VPS18: variants seen among roughly 807,000 people sequenced by gnomAD.
VPS18 encodes vacuolar protein sorting-associated protein 18 homolog.
In VPS18, 25 loss-of-function variants were observed where a neutral mutation model predicts 82.0. That is an observed-to-expected ratio of 0.30 (90% CI 0.22 to 0.43). The LOEUF (loss-of-function observed/expected upper bound fraction) is 0.43. Ranked by LOEUF, VPS18 falls within the 20% of genes least tolerant of loss-of-function variation. The pLI, the probability that VPS18 is intolerant of heterozygous loss-of-function variation, is 1.00. For synonymous variants in VPS18, 523 were observed against 543.0 expected (o/e 0.96, Z 0.51); for missense variants, 1,168 against 1,311.1 (o/e 0.89, Z 1.69).
chr15:40,895,990 C>T lies in VPS18; in HGVS notation c.144C>T (p.Arg48=), dbSNP rs2142035579. 6.2e-7 allele frequency: 1 copy of T among 1,614,198 alleles called. No individual in the cohort carries two copies. The highest frequency in any genetic ancestry group is 2.2e-5 in the East Asian group (1 of 44,886). The part of the protein sequence containing the change: ...EKEVPIFTKQ[R]IDFTPSERIT... ...AAGTGCCCATCTTCACAAAGCAGCG[C>T]ATTGACTTCACCCCTTCCGAGCGCA... Residue 48 remains arginine, a synonymous_variant, in exon 2 of 5, where the codon CGC becomes CGT. Coordinates refer to ENST00000220509, the MANE Select transcript of VPS18 (RefSeq NM_020857.3).
At chr15:40,895,516 C>G (rs548769321) in intron 1 of VPS18, among the ~76,000 whole-genome samples, 3 of 152,096 alleles carry the variant, frequency 2.0e-5, no homozygotes, top group Non-Finnish European at 4.4e-5. Context: ...CACTTGCCAA[C>G]TCTACACTGA....
chr15:40,902,944 G>A lies in VPS18; in HGVS notation c.2525G>A (p.Gly842Asp), dbSNP rs1892386234. The change falls in exon 5 of 5, where the codon GGC becomes GAC. Residue 842 changes from glycine to aspartate, a missense_variant. This residue lies in a region of VPS18 where 296 missense variants were observed against 354.0 expected (regional missense o/e 0.84). Coordinates refer to ENST00000220509, the MANE Select transcript of VPS18 (RefSeq NM_020857.3). The surrounding 1 kb of genome is among the most constrained non-coding windows in gnomAD (Gnocchi z 4.2). Reference protein sequence around the residue: ...RIRRDLQELRGRYGTVEPQDK... With the variant: ...RIRRDLQELRDRYGTVEPQDK... ...CGGCGAGACCTGCAGGAGCTGCGGG[G>A]CCGCTACGGCACTGTGGAGCCCCAG... 1.9e-6 allele frequency: 3 copies of A among 1,614,268 alleles called. No individual in the cohort carries two copies. Among genetic ancestry groups the A allele is most frequent in the Non-Finnish European group, 2.5e-6 (3 of 1,180,052 alleles).
In VPS18 at chr15:40,900,145, G is replaced by T. The variant is rs903965655; in HGVS notation, c.1327G>T (p.Ala443Ser). ...TCGCCAGCGTCGCTACCTGGAGAGC[G>T]CACGCTGCTATGCCCTGACCCAGAG... ...CFRQRRYLES[A>S]RCYALTQSYF... is the part of the protein sequence containing the mutation. The change falls in exon 4 of 5, where the codon GCA (alanine) becomes TCA (serine). Residue 443 changes from alanine to serine, a missense_variant. Ala to Ser is a moderately conservative substitution (Grantham distance 99, BLOSUM62 1). Coordinates refer to ENST00000220509, the MANE Select transcript of VPS18 (RefSeq NM_020857.3). The surrounding 1 kb of genome is among the most constrained non-coding windows in gnomAD (Gnocchi z 5.4). The T allele has an allele frequency of 6.2e-7, 1 of 1,613,770 alleles. No individual in the cohort carries two copies. Among genetic ancestry groups the T allele is most frequent in the Non-Finnish European group, 8.5e-7 (1 of 1,180,034 alleles).
intron 2 of VPS18, among the ~76,000 whole-genome samples, 172 bp downstream of exon 2, chr15:40,896,251 T>A (rs948396026): frequency 6.6e-6 from 1 of 152,182 alleles, no homozygotes; most frequent in African/African-American, 2.4e-5. Context: ...GTTAAGTATC[T>A]GGCCTGGCAG....
rs199820916 is a variant in VPS18 at position 40,903,001 on chromosome 15, T to C, written c.2582T>C (p.Leu861Pro). 2.5e-6 allele frequency: 4 copies of C among 1,614,148 alleles called. No individual in the cohort carries two copies. The highest frequency in any genetic ancestry group is 1.3e-5 in the African/African-American group (1 of 74,944). ...TGTGCCACCTGCGACTTCCCCCTGCTCAACCGCCCTTTTTACCTCTTCCTC... is the reference window on the plus strand; with the variant it reads ...TGTGCCACCTGCGACTTCCCCCTGCCCAACCGCCCTTTTTACCTCTTCCTC... The part of the protein sequence containing the change: ...DKCATCDFPL[L>P]NRPFYLFLCG... The change falls in exon 5 of 5, where the codon CTC (leucine) becomes CCC (proline). Residue 861 changes from leucine (L) to proline (P), a missense_variant. Transcript: ENST00000220509.
At position 40,903,498 on chromosome 15, in the gene VPS18, G is replaced by A; in HGVS notation, c.*157G>A. 9.8e-7 allele frequency: 1 copy of A among 1,018,092 alleles called. No individual in the cohort carries two copies. The highest frequency in any genetic ancestry group is 1.6e-5 in the African/African-American group (1 of 62,026). 63.1% of individuals were successfully genotyped at this position (1,018,092 alleles called of 1,614,324 possible). A position where few individuals can be genotyped will look rare whatever the true frequency, so the allele number is the denominator to read the frequency against. ...TAGCGCTGTTGGCCAGGAGGTGTCA[G>A]GTGTGAGTGTATTCTGCCAGCTTTT... On this transcript the variant is annotated 3_prime_UTR_variant, in exon 5 of 5. Coordinates refer to ENST00000220509, the MANE Select transcript of VPS18 (RefSeq NM_020857.3).
At chr15:40,895,889 T>C (rs765417102) in intron 1 of VPS18, 49 bp from the exon 2 acceptor site, 1 of 1,610,978 alleles carries the variant, frequency 6.2e-7, no homozygotes, top group Non-Finnish European at 8.5e-7. Context: ...CTCCTTGCCC[T>C]TCACCTGTCT....
In VPS18 at chr15:40,903,438, A is replaced by AT. The variant is rs1892401306; in HGVS notation, c.*99dup. On this transcript the variant is annotated 3_prime_UTR_variant, in exon 5 of 5. Transcript: ENST00000220509. ...CTAGGCTCTGCTCAGTCATCTTGCA[A>AT]TTGCCACACTGTGACCACGTTGACG... 3 of 1,471,414 alleles carry AT rather than the reference A, an allele frequency of 2.0e-6. No individual in the cohort carries two copies. In the East Asian group the frequency reaches 7.0e-5, roughly 34 times the overall value. 91.1% of individuals were successfully genotyped at this position (1,471,414 alleles called of 1,614,324 possible).
chr15:40,900,271 C>G lies in VPS18; in HGVS notation c.1453C>G (p.Arg485Gly). Residue 485 changes from arginine to glycine, a missense_variant, in exon 4 of 5, where the codon CGT (arginine) becomes GGT (glycine). Around this residue, in one of 3 missense-constraint regions of VPS18, gnomAD observed 868 missense variants for 939.8 expected, o/e 0.92. Transcript: ENST00000220509. This position sits in a 1 kb window ranked among gnomAD's most constrained non-coding sequence, Gnocchi z 5.4. Reference sequence around the variant, plus strand: ...ACTGGCCAGTTTGAAGCCAGCCGAACGTACCCAGGCCACACTGCTGACCAC... The same window carrying G: ...ACTGGCCAGTTTGAAGCCAGCCGAAGGTACCCAGGCCACACTGCTGACCAC... ...RKLASLKPAE[R>G]TQATLLTTWL... The G allele has an allele frequency of 6.2e-7, 1 of 1,613,786 alleles. No homozygotes were observed.
rs1163052547 is a variant in VPS18 at position 40,899,926 on chromosome 15, G to A, written c.1108G>A (p.Val370Met). 6.2e-7 allele frequency: 1 copy of A among 1,612,974 alleles called. No homozygotes were observed. Among genetic ancestry groups the A allele is most frequent in the Non-Finnish European group, 8.5e-7 (1 of 1,180,046 alleles). Reference sequence around the variant, plus strand: ...GAAATTTGGGCCGCTGAAGCACATGGTGAAGGACTCCTCCACAGGCCAGCT... The same window carrying A: ...GAAATTTGGGCCGCTGAAGCACATGATGAAGGACTCCTCCACAGGCCAGCT... ...LEKFGPLKHM[V>M]KDSSTGQLWA... Residue 370 changes from valine to methionine, a missense_variant, in exon 4 of 5, where the codon GTG becomes ATG. Val to Met is a conservative substitution (Grantham distance 21). Around this residue, in one of 3 missense-constraint regions of VPS18, gnomAD observed 868 missense variants for 939.8 expected, o/e 0.92. Coordinates refer to ENST00000220509, the MANE Select transcript of VPS18 (RefSeq NM_020857.3). The surrounding 1 kb of genome is among the most constrained non-coding windows in gnomAD (Gnocchi z 4.4).
In VPS18 at chr15:40,899,780, G is replaced by A. The variant is rs141826699; in HGVS notation, c.962G>A (p.Gly321Glu). 6.2e-6 allele frequency: 10 copies of A among 1,612,436 alleles called. No homozygotes were observed. The highest frequency in any genetic ancestry group is 8.5e-6 in the Non-Finnish European group (10 of 1,180,022). The change falls in exon 4 of 5, where the codon GGG becomes GAG. Residue 321 changes from glycine (G) to glutamate (E), a missense_variant. Around this residue, in one of 3 missense-constraint regions of VPS18, gnomAD observed 868 missense variants for 939.8 expected, o/e 0.92. Transcript: ENST00000220509. This position sits in a 1 kb window ranked among gnomAD's most constrained non-coding sequence, Gnocchi z 4.4. ...GAGTACCCAGAGGGGGTAGGGCCTG[G>A]GGCCAGCCCACCCCTAGCCATCGTC... ...VWEYPEGVGP[G>E]ASPPLAIVLT... is the part of the protein sequence containing the mutation.
chr15:40,898,156 T>C lies in VPS18; in HGVS notation c.234-751T>C, dbSNP rs573873757. Among the ~76,000 whole-genome samples, 161 of 151,984 alleles carry C rather than the reference T, an allele frequency of 1.1e-3. No individual in the cohort carries two copies. The Middle Eastern group carries it at 0.014, about 13-fold the overall frequency. ...TAATTTTTTGTATTTTTAGTAGAGA[T>C]GTGATTTCACCGTGGTCTCAATCTC... On this transcript the variant is annotated intron_variant, in intron 2 of 4. Coordinates refer to ENST00000220509, the MANE Select transcript of VPS18 (RefSeq NM_020857.3).
At chr15:40,895,074 G>A (rs917732740) in intron 1 of VPS18, among the ~76,000 whole-genome samples, 6 of 152,228 alleles carry the variant, frequency 3.9e-5, no homozygotes, top group Non-Finnish European at 7.3e-5. Context: ...AGGCTCTACC[G>A]CTAGGGTCCT....
chr15:40,898,893 G>T lies in VPS18; in HGVS notation c.234-14G>T. 1 of 1,611,876 alleles carries T rather than the reference G, an allele frequency of 6.2e-7. No individual in the cohort carries two copies. Among genetic ancestry groups the T allele is most frequent in the Non-Finnish European group, 8.5e-7 (1 of 1,178,464 alleles). ...TTCCCTTCTCTAAAGTGATGGTGAC[G>T]CTTGTCCCCACAGCATTGACTTGGG... On this transcript the variant is annotated splice_polypyrimidine_tract_variant and intron_variant, in intron 2 of 4. Transcript: ENST00000220509.
At position 40,896,036 on chromosome 15, in the gene VPS18, A is replaced by G. The variant is rs1229733328; in HGVS notation, c.190A>G (p.Ser64Gly). 8.7e-6 allele frequency: 14 copies of G among 1,614,100 alleles called. No individual in the cohort carries two copies. Among genetic ancestry groups the G allele is most frequent in the Non-Finnish European group, 1.2e-5 (14 of 1,180,046 alleles). ...SERITSLVVS[S>G]NQLCMSLGKD... ...GCGCATTACCAGTCTTGTCGTCTCC[A>G]GCAATCAGCTGTGCATGAGCCTGGG... is the stretch of plus-strand genomic sequence containing the variant. Residue 64 changes from serine (S) to glycine (G), a missense_variant, in exon 2 of 5, where the codon AGC becomes GGC. Physicochemically the swap from Ser to Gly is moderately conservative, Grantham distance 56. Around this residue, in one of 3 missense-constraint regions of VPS18, gnomAD observed 868 missense variants for 939.8 expected, o/e 0.92. Transcript: ENST00000220509.
chr15:40,901,992 A>G (rs1227541850), intron 4 of VPS18, among the ~76,000 whole-genome samples: 1 of 152,228 alleles, frequency 6.6e-6, no homozygotes, highest in Non-Finnish European at 1.5e-5. Flanking sequence ...ATGAAGTGCT[A>G]TTTAACATGC....
At chr15:40,898,724 C>T (rs1383969877) in intron 2 of VPS18, 183 bp from the exon 3 acceptor site, 8 of 681,808 alleles carry the variant, frequency 1.2e-5, no homozygotes, top group East Asian at 2.8e-5. Context: ...CTACCCACCT[C>T]GGACTCCCAA....
In VPS18 at chr15:40,899,184, C is replaced by G. The variant is rs1035497651; in HGVS notation, c.366C>G (p.Leu122=). The part of the protein sequence containing the change: ...LLIALSSTEV[L]YVNRNGQKVR... ...TTGCCCTGAGCAGCACGGAGGTCCTCTACGTGAACCGAAATGGACAGAAGG... is the reference window on the plus strand; with the variant it reads ...TTGCCCTGAGCAGCACGGAGGTCCTGTACGTGAACCGAAATGGACAGAAGG... The change falls in exon 4 of 5, where the codon CTC becomes CTG. Residue 122 remains leucine (L), a synonymous_variant. Coordinates refer to ENST00000220509, the MANE Select transcript of VPS18 (RefSeq NM_020857.3). The surrounding 1 kb of genome is among the most constrained non-coding windows in gnomAD (Gnocchi z 4.4). The G allele has an allele frequency of 4.3e-6, 7 of 1,614,050 alleles. No individual in the cohort carries two copies. Among genetic ancestry groups the G allele is most frequent in the Non-Finnish European group, 5.1e-6 (6 of 1,180,036 alleles).
rs371077190 is a variant in VPS18, at chr15:40,900,784, C to A, written c.1966C>A (p.Leu656Met). The A allele has an allele frequency of 6.2e-7, 1 of 1,614,090 alleles. No individual in the cohort carries two copies. The highest frequency in any genetic ancestry group is 1.3e-5 in the African/African-American group (1 of 74,948). ...CTACATGGAGTTCTGCGTGAACGTG[C>A]TGGGGGAGACTGAGCAGGCCATCCA... ...IRYMEFCVNV[L>M]GETEQAIHNY... The change falls in exon 4 of 5, where the codon CTG becomes ATG. Residue 656 changes from leucine to methionine, a missense_variant. Physicochemically the swap from Leu to Met is conservative, Grantham distance 15. Transcript: ENST00000220509. The surrounding 1 kb of genome is among the most constrained non-coding windows in gnomAD (Gnocchi z 5.4).
Sources: gnomAD v4.1 joint callset for allele counts (sites outside exome capture counted in the v4.1 genomes callset) on GRCh38, gnomAD v4.1.1 for gene constraint, gnomAD v4.1.1 regional missense constraint, Gnocchi (gnomAD v3.1) non-coding constraint, MANE v1.5 for transcripts, NCBI Gene and HGNC (gene_info 2026-07-23, HGNC 2026-07-21) for gene names.